INPP4B: variants seen among roughly 807,000 people sequenced by gnomAD.
INPP4B encodes the protein inositol polyphosphate 4-phosphatase type II.
A neutral mutation model predicts 122.5 loss-of-function variants in INPP4B; 55 were observed. The ratio of observed to expected loss-of-function variants is 0.45; its 90% CI spans 0.36 to 0.56. The LOEUF is 0.56. INPP4B is among the 20% of genes least tolerant of loss of function. INPP4B has a pLI of 0.00. For missense variants in INPP4B, 1,000 were observed against 1,097.7 expected (o/e 0.91, Z 1.26); for synonymous variants, 403 against 388.7 (o/e 1.04, Z -0.43).
chr4:142,657,626 T>C lies in INPP4B; in HGVS notation c.-191+68213A>G, dbSNP rs184690933. Among the ~76,000 whole-genome samples, 75 of 152,300 alleles carry C rather than the reference T, an allele frequency of 4.9e-4. 1 individual carries two copies. The highest frequency in any genetic ancestry group is 1.8e-3 in the African/African-American group (73 of 41,572). On this transcript the variant is annotated intron_variant, in intron 2 of 25. Transcript: ENST00000262992. ...ACTTTTGCCTAGGGTTAAAGAATTG[T>C]TTTGAGTTAAATTAGGAAAAAGCTG... is the stretch of plus-strand genomic sequence containing the variant.
At chr4:142,415,818 C>G (rs1352114490) in intron 5 of INPP4B, among the ~76,000 whole-genome samples, 1 of 152,082 alleles carries the variant, frequency 6.6e-6, no homozygotes, top group Non-Finnish European at 1.5e-5. Flanking sequence ...AAATACTATG[C>G]AGCCATAAAA....
intron 2 of INPP4B, among the ~76,000 whole-genome samples, chr4:142,603,599 A>G (rs1441298385): frequency 6.6e-6 from 1 of 152,118 alleles, no homozygotes; most frequent in African/African-American, 2.4e-5. Flanking sequence ...ATGAGAACAA[A>G]CTGGAAAACC....
At chr4:142,108,211 A>G (rs1234125308) in intron 22 of INPP4B, 21 bp from the exon 23 acceptor site, 1 of 1,349,918 alleles carries the variant, frequency 7.4e-7, no homozygotes. Flanking sequence ...AAAAAAGAAA[A>G]CAGCTGTGGG....
chr4:142,111,846 A>C (rs6813798), intron 22 of INPP4B, among the ~76,000 whole-genome samples: 20,118 of 151,900 alleles, frequency 0.13, 1,493 homozygotes, highest in East Asian at 0.23. Context: ...CGAGTTCAAA[A>C]AATTCTCCTG....
At chr4:142,509,701 A>G (rs989118492) in intron 2 of INPP4B, among the ~76,000 whole-genome samples, 1 of 152,170 alleles carries the variant, frequency 6.6e-6, no homozygotes. Flanking sequence ...TTAAAGACTT[A>G]AATATGATGG....
At chr4:142,479,078 G>A (rs938403509) in intron 2 of INPP4B, among the ~76,000 whole-genome samples, 2 of 152,112 alleles carry the variant, frequency 1.3e-5, no homozygotes. Context: ...TCTGACAAAG[G>A]TCTAATATCC....
At chr4:142,738,614 C>CA (rs67923741) in intron 1 of INPP4B, among the ~76,000 whole-genome samples, 25 of 150,538 alleles carry the variant, frequency 1.7e-4, no homozygotes, top group East Asian at 3.9e-4. Context: ...ATAATAAAAA[C>CA]AAAAAAAAAG....
Position 142,314,737 on chromosome 4 carries a change from T to A in INPP4B, c.398A>T (p.His133Leu), listed in dbSNP as rs752667421. 5.6e-6 allele frequency: 9 copies of A among 1,600,770 alleles called. No individual in the cohort carries two copies. The Admixed American group carries it at 6.9e-5, about 12-fold the overall frequency. Residue 133 changes from histidine (H) to leucine (L), a missense_variant, in exon 8 of 26, where the codon CAT becomes CTT. Physicochemically the swap from His to Leu is moderately conservative, Grantham distance 99 (BLOSUM62 -3). Transcript: ENST00000262992. The stretch of plus-strand genomic sequence containing the variant: ...CCCAACTTCTGGCGGGGGATCCTTA[T>A]GTTCTGGTAGGACACTGGTTCGAAC... The part of the protein sequence containing the change: ...DTVRTSVLPE[H>L]KDPPPEVGRS...
intron 7 of INPP4B, among the ~76,000 whole-genome samples, chr4:142,363,079 A>G (rs1408015351): frequency 2.6e-5 from 4 of 152,018 alleles, no homozygotes; most frequent in Admixed American, 2.6e-4. Flanking sequence ...TTTATTCTCT[A>G]AATGCCTTTG....
intron 1 of INPP4B, among the ~76,000 whole-genome samples, chr4:142,828,667 AAAC>A: frequency 6.6e-6 from 1 of 152,310 alleles, no homozygotes; most frequent in South Asian, 2.1e-4. Context: ...AAACTCAAGA[AAAC>A]AAGCCATAGT....
At chr4:142,636,177 A>G (rs548989863) in intron 2 of INPP4B, among the ~76,000 whole-genome samples, 2 of 152,134 alleles carry the variant, frequency 1.3e-5, no homozygotes, top group South Asian at 2.1e-4. Flanking sequence ...GACTTCTGCC[A>G]TGATTGAAAG....
intron 7 of INPP4B, among the ~76,000 whole-genome samples, chr4:142,336,563 G>A (rs1776656829): frequency 1.3e-5 from 2 of 152,236 alleles, no homozygotes; most frequent in Admixed American, 6.5e-5. Context: ...GCCACACCAG[G>A]GGTTGGGGGA....
At chr4:142,440,586 C>A (rs1428603835) in intron 3 of INPP4B, among the ~76,000 whole-genome samples, 1 of 152,054 alleles carries the variant, frequency 6.6e-6, no homozygotes, top group Non-Finnish European at 1.5e-5. Context: ...AAAAGCAGAG[C>A]TGCTCTGTTT....
chr4:142,600,635 A>G (rs1739700910), intron 2 of INPP4B, among the ~76,000 whole-genome samples: 1 of 152,174 alleles, frequency 6.6e-6, no homozygotes, highest in African/African-American at 2.4e-5. Flanking sequence ...GAAAAAGAAA[A>G]AAGACTATAC....
chr4:142,178,367 A>G (rs1280717094), intron 15 of INPP4B, among the ~76,000 whole-genome samples: 2 of 152,164 alleles, frequency 1.3e-5, no homozygotes, highest in African/African-American at 4.8e-5. Context: ...CTATACTTAA[A>G]CTTATCTATT....
At chr4:142,475,454 A>G (rs1819647554) in intron 2 of INPP4B, among the ~76,000 whole-genome samples, 2 of 152,150 alleles carry the variant, frequency 1.3e-5, no homozygotes, top group Non-Finnish European at 2.9e-5. Flanking sequence ...ACCTCTAAAC[A>G]ACCATACTAC....
chr4:142,614,959 C>T (rs1743383181), intron 2 of INPP4B, among the ~76,000 whole-genome samples: 1 of 152,090 alleles, frequency 6.6e-6, no homozygotes, highest in Admixed American at 6.6e-5. Context: ...TAAATTAGTA[C>T]AACCTCTATG....
At chr4:142,408,376 A>C (rs1803890738) in intron 5 of INPP4B, among the ~76,000 whole-genome samples, 2 of 152,144 alleles carry the variant, frequency 1.3e-5, no homozygotes. Flanking sequence ...AACATGACGA[A>C]ACCCCATCTC....
At chr4:142,345,113 T>C (rs902214269) in intron 7 of INPP4B, among the ~76,000 whole-genome samples, 1 of 152,026 alleles carries the variant, frequency 6.6e-6, no homozygotes, top group Non-Finnish European at 1.5e-5. Flanking sequence ...CACAACTTCA[T>C]AACCTTAAAG....
Sources: gnomAD v4.1 joint callset for allele counts (sites outside exome capture counted in the v4.1 genomes callset) on GRCh38, gnomAD v4.1.1 for gene constraint, MANE v1.5 for transcripts, NCBI Gene and HGNC (gene_info 2026-07-23, HGNC 2026-07-21) for gene names.